Variants in CNTN4 observed in about 807,000 individuals in gnomAD.
CNTN4 encodes the protein contactin 4, also known as contactin-4.
In CNTN4, 77 loss-of-function variants were observed where a neutral mutation model predicts 122.5. The ratio of observed to expected loss-of-function variants is 0.63; its 90% CI spans 0.52 to 0.76. CNTN4 has a LOEUF of 0.76. CNTN4 is among the 30% of genes least tolerant of loss of function. The probability of loss-of-function intolerance (pLI) is 0.00; values close to 1 mark genes in which losing one functional copy is unlikely to be tolerated. For missense variants in CNTN4, 1,256 were observed against 1,259.1 expected, an observed-to-expected ratio of 1.00 and a Z score of 0.04; for synonymous variants, 512 against 447.0, an observed-to-expected ratio of 1.15 and a Z score of -1.83.
At chr3:2,703,355 G>GTT (rs1480558081) in intron 4 of CNTN4, among the ~76,000 whole-genome samples, 13 of 152,060 alleles carry the variant, frequency 8.5e-5, no homozygotes, top group Non-Finnish European at 1.6e-4. Flanking sequence ...ACATGAAATG[G>GTT]AAAAAAACTA....
chr3:2,524,818 C>T (rs1209194119), intron 3 of CNTN4, among the ~76,000 whole-genome samples: 1 of 151,992 alleles, frequency 6.6e-6, no homozygotes, highest in African/African-American at 2.4e-5. Flanking sequence ...ATGATAAATG[C>T]AACTTGAATA....
chr3:2,217,740 T>A, intron 2 of CNTN4, among the ~76,000 whole-genome samples: 1 of 152,144 alleles, frequency 6.6e-6, no homozygotes, highest in East Asian at 1.9e-4. Context: ...TGTGTTCATT[T>A]TAGAAAATTT....
intron 6 of CNTN4, among the ~76,000 whole-genome samples, chr3:2,751,940 C>G (rs2090114384): frequency 6.6e-6 from 1 of 152,070 alleles, no homozygotes; most frequent in Admixed American, 6.5e-5. Context: ...CCATTTCATT[C>G]TATGTGTCCT....
At position 2,677,946 on chromosome 3, in the gene CNTN4, A is replaced by G. The variant is rs181496351; in HGVS notation, c.56-58269A>G. 1.6e-4 allele frequency among the ~76,000 whole-genome samples: 25 copies of G among 152,342 alleles called. 1 individual carries two copies. The highest frequency in any genetic ancestry group is 5.8e-4 in the African/African-American group (24 of 41,590). ...CAGTCTGTTAGCAGAAAACTTGAATATTAGCTGTCACCAAATCCCTTTAGT... is the reference window on the plus strand; with the variant it reads ...CAGTCTGTTAGCAGAAAACTTGAATGTTAGCTGTCACCAAATCCCTTTAGT... On this transcript the variant is annotated intron_variant, in intron 4 of 24. Coordinates refer to ENST00000418658, the MANE Select transcript of CNTN4 (RefSeq NM_175607.3).
chr3:2,335,305 A>C (rs2043902982), intron 2 of CNTN4, among the ~76,000 whole-genome samples: 1 of 112,458 alleles, frequency 8.9e-6, no homozygotes, highest in South Asian at 3.8e-4. Flanking sequence ...CATGATTAAA[A>C]AAATGATTAT....
intron 2 of CNTN4, among the ~76,000 whole-genome samples, chr3:2,207,828 A>G (rs903000259): frequency 2.0e-5 from 3 of 152,130 alleles, no homozygotes; most frequent in African/African-American, 7.2e-5. Context: ...AGGAGAAGTC[A>G]TTGCCTGGAT....
At chr3:2,111,486 C>A (rs888200594) in intron 2 of CNTN4, among the ~76,000 whole-genome samples, 2 of 152,040 alleles carry the variant, frequency 1.3e-5, no homozygotes, top group Admixed American at 6.6e-5. Flanking sequence ...AATGTACTCC[C>A]CAAAATAATG....
rs73804542 is a variant in CNTN4 at position 2,434,922 on chromosome 3, G to A, written c.-89+95689G>A. On this transcript the variant is annotated intron_variant, in intron 3 of 24. Transcript: ENST00000418658. ...TTGGCAATAGGAAGCATTTAAAGTC[G>A]TCATTATTTTAAGTGAAGCTCTCTT... is the stretch of plus-strand genomic sequence containing the variant. Among the ~76,000 whole-genome samples, 898 of 152,214 alleles carry A rather than the reference G, an allele frequency of 5.9e-3. 5 individuals are homozygous for A. Among genetic ancestry groups the A allele is most frequent in the African/African-American group, 0.02 (830 of 41,530 alleles).
chr3:2,127,150 C>T (rs1016915631), intron 2 of CNTN4, among the ~76,000 whole-genome samples: 26 of 152,256 alleles, frequency 1.7e-4, no homozygotes, highest in African/African-American at 6.3e-4. Context: ...ACCATCTTCC[C>T]ACCTTTGTGG....
intron 2 of CNTN4, among the ~76,000 whole-genome samples, chr3:2,239,791 T>G (rs1388450342): frequency 6.6e-6 from 1 of 152,200 alleles, no homozygotes; most frequent in Non-Finnish European, 1.5e-5. Context: ...TTAATTTATT[T>G]GGTCACCAGT....
intron 13 of CNTN4, among the ~76,000 whole-genome samples, chr3:2,986,190 C>T (rs1694559521): frequency 1.3e-5 from 2 of 152,148 alleles, no homozygotes; most frequent in African/African-American, 2.4e-5. Context: ...GCTAGAATTA[C>T]AGGCATGAGC....
chr3:2,910,563 A>T (rs969295758), intron 12 of CNTN4, among the ~76,000 whole-genome samples: 2 of 152,232 alleles, frequency 1.3e-5, no homozygotes, highest in African/African-American at 4.8e-5. Context: ...TCTGGGATTA[A>T]TTTAACTCTA....
intron 2 of CNTN4, among the ~76,000 whole-genome samples, chr3:2,287,240 G>T (rs2041933394): frequency 6.6e-6 from 1 of 152,122 alleles, no homozygotes; most frequent in African/African-American, 2.4e-5. Context: ...AGCATACAAT[G>T]CGTGAAAAAT....
Position 2,411,367 on chromosome 3 carries a change from G to A in CNTN4, c.-89+72134G>A, listed in dbSNP as rs1435677631. Among the ~76,000 whole-genome samples, 3 of 152,134 alleles carry A rather than the reference G, an allele frequency of 2.0e-5. No homozygotes were observed. The East Asian group carries it at 5.8e-4, about 29-fold the overall frequency. ...AAAAAGAAGAAAAACTGATATGCAT[G>A]ATGCATGCTTATTTCTTCAGAAATA... On this transcript the variant is annotated intron_variant, in intron 3 of 24. Coordinates refer to ENST00000418658, the MANE Select transcript of CNTN4 (RefSeq NM_175607.3).
intron 2 of CNTN4, among the ~76,000 whole-genome samples, chr3:2,105,559 A>G (rs886435171): frequency 6.6e-6 from 1 of 152,126 alleles, no homozygotes; most frequent in Non-Finnish European, 1.5e-5. Context: ...TTATAAAACC[A>G]TCAGATCTCA....
At chr3:3,043,241 A>C in intron 22 of CNTN4, 78 bp downstream of exon 22, 1 of 1,351,064 alleles carries the variant, frequency 7.4e-7, no homozygotes, top group Non-Finnish European at 1.1e-6. Context: ...CCCACCTCCC[A>C]ATGATCATTT....
At chr3:3,032,606 T>A (rs1273146149) in intron 16 of CNTN4, among the ~76,000 whole-genome samples, 1 of 152,216 alleles carries the variant, frequency 6.6e-6, no homozygotes, top group Non-Finnish European at 1.5e-5. Context: ...GAAAGACATT[T>A]TCATATTTGA....
chr3:2,552,563 G>A (rs1416377092), intron 3 of CNTN4, among the ~76,000 whole-genome samples: 1 of 149,524 alleles, frequency 6.7e-6, no homozygotes, highest in East Asian at 2.1e-4. Context: ...ATTATAAATT[G>A]GCATTTGACA....
At chr3:2,275,402 T>A (rs1302257966) in intron 2 of CNTN4, among the ~76,000 whole-genome samples, 5 of 152,194 alleles carry the variant, frequency 3.3e-5, no homozygotes, top group Non-Finnish European at 5.9e-5. Context: ...CACTACAGTT[T>A]TTATTTACTA....
Sources: allele counts gnomAD v4.1 joint callset (sites outside exome capture counted in the v4.1 genomes callset), GRCh38; gene constraint gnomAD v4.1.1; transcripts MANE v1.5; gene names NCBI Gene and HGNC (gene_info 2026-07-23, HGNC 2026-07-21).